RBFOX1: variants seen among roughly 807,000 people sequenced by gnomAD.
RBFOX1 encodes the protein RNA binding protein fox-1 homolog 1.
In RBFOX1, 8 loss-of-function variants were observed where a neutral mutation model predicts 57.7. That is an observed-to-expected ratio of 0.14 (90% CI 0.08 to 0.25). The LOEUF is 0.25. RBFOX1 is among the 10% of genes least tolerant of loss of function. The probability of loss-of-function intolerance (pLI) is 1.00; values close to 1 mark genes in which losing one functional copy is unlikely to be tolerated. For missense variants in RBFOX1, 611 were observed against 548.5 expected, an observed-to-expected ratio of 1.11 and a Z score of -1.14; for synonymous variants, 326 against 222.4, an observed-to-expected ratio of 1.47 and a Z score of -4.15.
At chr16:6,837,416 G>C (rs555839945) in intron 3 of RBFOX1, among the ~76,000 whole-genome samples, 37 of 152,222 alleles carry the variant, frequency 2.4e-4, no homozygotes, top group Non-Finnish European at 4.4e-4. Context: ...ACCAGCTAGA[G>C]CTGATCACCC....
At chr16:5,414,164 G>C (rs2067097848) in intron 1 of RBFOX1, among the ~76,000 whole-genome samples, 1 of 152,184 alleles carries the variant, frequency 6.6e-6, no homozygotes, top group Non-Finnish European at 1.5e-5. Context: ...ATTGCGCCAA[G>C]GGAAAAACAA....
chr16:6,938,130 A>G (rs2077684751), intron 3 of RBFOX1, among the ~76,000 whole-genome samples: 1 of 152,182 alleles, frequency 6.6e-6, no homozygotes, highest in South Asian at 2.1e-4. Flanking sequence ...CTACATATAG[A>G]AATTTTGAAC....
chr16:5,315,512 G>A (rs28438476), intron 1 of RBFOX1, among the ~76,000 whole-genome samples: 2,634 of 152,298 alleles, frequency 0.017, 68 homozygotes, highest in African/African-American at 0.058. Context: ...ACCCCAAGCT[G>A]TCTCTGCAGG....
At chr16:7,211,164 G>T (rs905515829) in intron 4 of RBFOX1, among the ~76,000 whole-genome samples, 1 of 151,776 alleles carries the variant, frequency 6.6e-6, no homozygotes, top group South Asian at 2.1e-4. Flanking sequence ...GGCCGAGGTG[G>T]GGGGATCATG....
At chr16:7,587,925 G>C (rs1452450668) in intron 7 of RBFOX1, among the ~76,000 whole-genome samples, 1 of 152,154 alleles carries the variant, frequency 6.6e-6, no homozygotes, top group Admixed American at 6.5e-5. Context: ...AGTGGCTCAC[G>C]CCTGTAATCC....
chr16:5,548,168 A>ATATATATAT (rs1256241961), intron 2 of RBFOX1, among the ~76,000 whole-genome samples: 2 of 57,188 alleles, frequency 3.5e-5, no homozygotes, highest in Non-Finnish European at 8.1e-5. Context: ...TAAAAAAAAA[A>ATATATATAT]AAAAAAATAT....
intron 3 of RBFOX1, among the ~76,000 whole-genome samples, chr16:6,674,729 C>T (rs1015987962): frequency 6.6e-6 from 1 of 152,120 alleles, no homozygotes; most frequent in Non-Finnish European, 1.5e-5. Flanking sequence ...ACATACAAGC[C>T]AAGGAGCACG....
At chr16:7,515,998 C>A (rs1161651643) in intron 4 of RBFOX1, among the ~76,000 whole-genome samples, 1 of 152,102 alleles carries the variant, frequency 6.6e-6, no homozygotes, top group Non-Finnish European at 1.5e-5. Context: ...GCATGTGCCA[C>A]CATGCCCGGC....
chr16:6,122,493 T>C (rs2096558239), intron 1 of RBFOX1, among the ~76,000 whole-genome samples: 1 of 152,164 alleles, frequency 6.6e-6, no homozygotes. Flanking sequence ...CACCACTTTC[T>C]CATTCGAGTT....
At chr16:7,644,656 G>C (rs1313510432) in intron 11 of RBFOX1, among the ~76,000 whole-genome samples, 2 of 152,174 alleles carry the variant, frequency 1.3e-5, no homozygotes, top group African/African-American at 4.8e-5. Context: ...CCTTGTGCTC[G>C]GTCATCTTCT....
intron 2 of RBFOX1, among the ~76,000 whole-genome samples, chr16:6,568,330 G>A (rs2097296280): frequency 6.6e-6 from 1 of 152,156 alleles, no homozygotes; most frequent in Non-Finnish European, 1.5e-5. Context: ...GATATTGGCA[G>A]GCCTCAGTTC....
intron 2 of RBFOX1, among the ~76,000 whole-genome samples, chr16:6,469,871 G>A (rs2095135150): frequency 6.6e-6 from 1 of 152,160 alleles, no homozygotes; most frequent in Non-Finnish European, 1.5e-5. Context: ...TAGGGCAGTA[G>A]ATTTGAACCT....
chr16:5,996,406 C>T (rs1313065697), intron 4 of RBFOX1, among the ~76,000 whole-genome samples: 1 of 151,886 alleles, frequency 6.6e-6, no homozygotes, highest in Non-Finnish European at 1.5e-5. Context: ...ATATTCAGAA[C>T]TGGCTTTGCA....
intron 3 of RBFOX1, among the ~76,000 whole-genome samples, chr16:5,846,189 A>AG (rs2056752947): frequency 6.6e-6 from 1 of 152,052 alleles, no homozygotes; most frequent in Non-Finnish European, 1.5e-5. Flanking sequence ...CTTAAAAAAA[A>AG]AAAAAAAAGA....
rs944818181 is a variant in RBFOX1, at chr16:7,710,876, A to T, written c.*131A>T. 56 of 984,050 alleles carry T rather than the reference A, an allele frequency of 5.7e-5. No individual in the cohort carries two copies. Among genetic ancestry groups the T allele is most frequent in the Middle Eastern group, 3.3e-4 (1 of 3,004 alleles). The allele number at this position is 984,050 out of a possible 1,614,324, so 61.0% of individuals were successfully genotyped here. ...AAAAAAAATACAAATAAAAAGGAAA[A>T]AAAATTACATTTTTTATCTTATACC... On this transcript the variant is annotated 3_prime_UTR_variant, in exon 16 of 16. Transcript: ENST00000550418.
intron 4 of RBFOX1, among the ~76,000 whole-genome samples, chr16:7,085,471 A>G (rs776535070): frequency 1.8e-4 from 28 of 152,212 alleles, no homozygotes; most frequent in Non-Finnish European, 3.5e-4. Flanking sequence ...CTGCACCGTC[A>G]GGGTATTTGC....
At chr16:6,945,128 G>C (rs1364318693) in intron 3 of RBFOX1, among the ~76,000 whole-genome samples, 2 of 152,104 alleles carry the variant, frequency 1.3e-5, no homozygotes, top group Admixed American at 6.6e-5. Flanking sequence ...GTCACGCAGA[G>C]GTAGGGGCAC....
intron 3 of RBFOX1, among the ~76,000 whole-genome samples, chr16:5,801,611 T>C (rs571123421): frequency 2.0e-5 from 3 of 152,132 alleles, no homozygotes; most frequent in African/African-American, 7.2e-5. Flanking sequence ...AAAGGCTAAC[T>C]AGGCACACAC....
In RBFOX1 at chr16:5,524,163, G is replaced by A. The variant is rs945986532; in HGVS notation, c.258+56909G>A. On this transcript the variant is annotated intron_variant, in intron 2 of 2. Transcript: ENST00000585867. ...CCTATTTAAAGAAAACTAAATGTGAGATGGGTGATCCTCTAGAGCTGAGAC... is the reference window on the plus strand; with the variant it reads ...CCTATTTAAAGAAAACTAAATGTGAAATGGGTGATCCTCTAGAGCTGAGAC... Among the ~76,000 whole-genome samples, 3 of 152,214 alleles carry A rather than the reference G, an allele frequency of 2.0e-5. No homozygotes were observed. In the East Asian group the frequency reaches 5.8e-4, roughly 29 times the overall value.
Sources: gnomAD v4.1 joint callset for allele counts (sites outside exome capture counted in the v4.1 genomes callset) on GRCh38, gnomAD v4.1.1 for gene constraint, MANE v1.5 for transcripts, NCBI Gene and HGNC (gene_info 2026-07-23, HGNC 2026-07-21) for gene names.